The following TNIK variants were observed in gnomAD, a reference collection of about 807,000 sequenced individuals.
TNIK encodes the protein TRAF2 and NCK-interacting protein kinase.
A neutral mutation model predicts 191.3 loss-of-function variants in TNIK; 49 were observed. The observed-to-expected ratio is 0.26, with a 90% confidence interval of 0.20 to 0.32. TNIK has a LOEUF of 0.32. TNIK is among the 10% of genes least tolerant of loss of function. TNIK has a pLI of 1.00. For synonymous variants in TNIK, 594 were observed against 600.9 expected, an observed-to-expected ratio of 0.99 and a Z score of 0.17; for missense variants, 1,155 against 1,702.3, an observed-to-expected ratio of 0.68 and a Z score of 5.66.
chr3:171,157,744 G>A (rs1733411796), intron 11 of TNIK, 80 bp from the exon 12 acceptor site: 2 of 1,402,910 alleles, frequency 1.4e-6, no homozygotes, highest in Non-Finnish European at 2.0e-6. Flanking sequence ...GAGGAAAGCG[G>A]GACAAATGAT....
At chr3:171,203,185 T>C (rs1449811929) in intron 4 of TNIK, among the ~76,000 whole-genome samples, 1 of 152,112 alleles carries the variant, frequency 6.6e-6, no homozygotes, top group Admixed American at 6.5e-5. Context: ...AAAATTGAAG[T>C]GGGCATTATT....
chr3:171,317,710 C>T (rs1249644178), intron 2 of TNIK, among the ~76,000 whole-genome samples: 1 of 152,176 alleles, frequency 6.6e-6, no homozygotes, highest in Non-Finnish European at 1.5e-5. Flanking sequence ...TTCTAGTTTA[C>T]AGTCATCACT....
intron 2 of TNIK, among the ~76,000 whole-genome samples, chr3:171,256,796 G>T (rs1428070297): frequency 6.6e-6 from 1 of 152,030 alleles, no homozygotes; most frequent in African/African-American, 2.4e-5. Context: ...TGAGGCCAGG[G>T]ATCAAAATAA....
At chr3:171,145,531 G>T (rs1731443111) in intron 12 of TNIK, among the ~76,000 whole-genome samples, 1 of 152,162 alleles carries the variant, frequency 6.6e-6, no homozygotes, top group Non-Finnish European at 1.5e-5. Context: ...AGGCTGTGTG[G>T]CTGCACTTTC....
chr3:171,225,480 A>T (rs895470157), intron 3 of TNIK: 1 of 442,406 alleles, frequency 2.3e-6, no homozygotes, highest in Non-Finnish European at 4.5e-6. Flanking sequence ...AATACTATAA[A>T]GCATCCACTC....
chr3:171,438,460 A>G (rs1166979398), intron 1 of TNIK, among the ~76,000 whole-genome samples: 1 of 152,248 alleles, frequency 6.6e-6, no homozygotes, highest in Non-Finnish European at 1.5e-5. Flanking sequence ...TCCAAACACG[A>G]TGACTCCCAG....
Position 171,338,070 on chromosome 3 carries a change from A to G in TNIK, c.123+31550T>C, listed in dbSNP as rs148023806. Among the ~76,000 whole-genome samples the G allele has an allele frequency of 1.3e-4, 20 of 152,318 alleles. No individual in the cohort carries two copies. In the East Asian group the frequency reaches 3.1e-3, roughly 23 times the overall value. ...TCTCTTAATTTTACCAGGCTCTTCT[A>G]CGTGGACCTATATTTCGGTAATTAT... On this transcript the variant is annotated intron_variant, in intron 2 of 32. Transcript: ENST00000436636.
At chr3:171,117,089 G>C (rs940111250) in intron 18 of TNIK, among the ~76,000 whole-genome samples, 16 of 152,198 alleles carry the variant, frequency 1.1e-4, no homozygotes, top group African/African-American at 3.9e-4. Context: ...GGAAGTGTTT[G>C]CAATATAAAT....
intron 32 of TNIK, among the ~76,000 whole-genome samples, chr3:171,065,140 C>A (rs534759477): frequency 1.3e-5 from 2 of 152,258 alleles, no homozygotes; most frequent in African/African-American, 4.8e-5. Context: ...GGTTTTCAAT[C>A]GGAATGTGGG....
At chr3:171,387,552 C>T (rs910771799) in intron 1 of TNIK, among the ~76,000 whole-genome samples, 1 of 152,112 alleles carries the variant, frequency 6.6e-6, no homozygotes, top group African/African-American at 2.4e-5. Flanking sequence ...TCACTATACT[C>T]AAATGCTTTT....
chr3:171,413,408 C>T (rs1722649467), intron 1 of TNIK, among the ~76,000 whole-genome samples: 1 of 152,160 alleles, frequency 6.6e-6, no homozygotes, highest in African/African-American at 2.4e-5. Flanking sequence ...TCATCAGGAA[C>T]TCTTCTATAA....
At chr3:171,338,562 C>T (rs1403986362) in intron 2 of TNIK, among the ~76,000 whole-genome samples, 3 of 152,148 alleles carry the variant, frequency 2.0e-5, no homozygotes, top group Admixed American at 1.3e-4. Context: ...GATCTCAGCT[C>T]ACTGCAACCT....
intron 2 of TNIK, among the ~76,000 whole-genome samples, chr3:171,327,195 C>T (rs566155439): frequency 3.9e-5 from 6 of 152,244 alleles, no homozygotes; most frequent in African/African-American, 1.4e-4. Context: ...TAAGCTGAAC[C>T]AGGGTTGCAG....
intron 4 of TNIK, among the ~76,000 whole-genome samples, chr3:171,203,091 C>A (rs1301676700): frequency 6.7e-6 from 1 of 149,364 alleles, no homozygotes; most frequent in African/African-American, 2.5e-5. Context: ...TTTTTTTTTT[C>A]CTACAACCTC....
chr3:171,333,557 C>T (rs1395024527), intron 2 of TNIK, among the ~76,000 whole-genome samples: 2 of 126,072 alleles, frequency 1.6e-5, no homozygotes, highest in African/African-American at 3.1e-5. Flanking sequence ...CTGGGCGAAA[C>T]AGAGACTCAG....
intron 2 of TNIK, among the ~76,000 whole-genome samples, chr3:171,320,428 C>G (rs1024184120): frequency 2.6e-5 from 4 of 152,030 alleles, no homozygotes; most frequent in Non-Finnish European, 5.9e-5. Context: ...AAAAGCTGAC[C>G]TGGTCTGTCA....
chr3:171,148,998 G>T lies in TNIK; in HGVS notation c.1221+8462C>A, dbSNP rs139133969. Among the ~76,000 whole-genome samples, 69 of 152,300 alleles carry T rather than the reference G, an allele frequency of 4.5e-4. 1 individual carries two copies. The highest frequency in any genetic ancestry group is 8.4e-4 in the Non-Finnish European group (57 of 68,014). ...AGAATTGGCTGAGATCACTTTTGAGGTTCCTAATATTCCCCAGCCTCTATG... is the reference window on the plus strand; with the variant it reads ...AGAATTGGCTGAGATCACTTTTGAGTTTCCTAATATTCCCCAGCCTCTATG... On this transcript the variant is annotated intron_variant, in intron 12 of 32. Transcript: ENST00000436636.
chr3:171,157,533 T>C lies in TNIK; in HGVS notation c.1148A>G (p.His383Arg), dbSNP rs1258348124. 2 of 1,570,740 alleles carry C rather than the reference T, an allele frequency of 1.3e-6. No homozygotes were observed. Among genetic ancestry groups the C allele is most frequent in the East Asian group, 2.4e-5 (1 of 42,230 alleles). ...ACGCTCGGCCAGCAGCTGCCGCTTGTGCTCCTCATTCTCCCGCTGCTGCTG... is the reference window on the plus strand; with the variant it reads ...ACGCTCGGCCAGCAGCTGCCGCTTGCGCTCCTCATTCTCCCGCTGCTGCTG... ...LEQQQRENEE[H>R]KRQLLAERQK... is the part of the protein sequence containing the mutation. The change falls in exon 12 of 33, where the codon CAC becomes CGC. Residue 383 changes from histidine to arginine, a missense_variant. Coordinates refer to ENST00000436636, the MANE Select transcript of TNIK (RefSeq NM_015028.4).
intron 12 of TNIK, among the ~76,000 whole-genome samples, chr3:171,155,458 T>C (rs1346745287): frequency 6.6e-6 from 1 of 152,278 alleles, no homozygotes; most frequent in African/African-American, 2.4e-5. Flanking sequence ...GAAGCATTCC[T>C]GCTTCTGGTA....
Sources: gnomAD v4.1 joint callset for allele counts (sites outside exome capture counted in the v4.1 genomes callset) on GRCh38, gnomAD v4.1.1 for gene constraint, MANE v1.5 for transcripts, NCBI Gene and HGNC (gene_info 2026-07-23, HGNC 2026-07-21) for gene names.